ANK2: variants seen among roughly 807,000 people sequenced by gnomAD.
The protein encoded by ANK2 is ankyrin-2.
ANK2 carries 83 observed loss-of-function variants against 360.5 expected under a neutral mutation model. The observed-to-expected ratio is 0.23, with a 90% CI of 0.19 to 0.28. The LOEUF (loss-of-function observed/expected upper bound fraction) is 0.28, where lower values mean the gene tolerates loss of function less well. ANK2 is among the 10% of genes least tolerant of loss of function. The pLI is 1.00. For missense variants in ANK2, 4,201 were observed against 4,795.7 expected, an observed-to-expected ratio of 0.88 and a Z score of 3.66; for synonymous variants, 1,740 against 1,759.5, an observed-to-expected ratio of 0.99 and a Z score of 0.28.
intron 1 of ANK2, among the ~76,000 whole-genome samples, chr4:112,834,724 A>G (rs1029247865): frequency 1.3e-5 from 2 of 152,200 alleles, no homozygotes; most frequent in South Asian, 2.1e-4. Context: ...TTTCTCAAAA[A>G]TGTCTTTTTG....
Position 113,381,569 on chromosome 4 carries a change from G to C in ANK2, c.*98G>C. The C allele has an allele frequency of 6.2e-7, 1 of 1,607,860 alleles. No individual in the cohort carries two copies. Among genetic ancestry groups the C allele is most frequent in the Non-Finnish European group, 8.5e-7 (1 of 1,176,538 alleles). On this transcript the variant is annotated 3_prime_UTR_variant, in exon 46 of 46. Coordinates refer to ENST00000357077, the MANE Select transcript of ANK2 (RefSeq NM_001148.6). ...TGTACCAGAAGCACTAGACCAGGAC[G>C]ACCTCCAGCGCGATCTCCAGCAGCT...
At position 113,258,938 on chromosome 4, in the gene ANK2, C is replaced by T. The variant is rs975614278; in HGVS notation, c.1386+527C>T. Among the ~76,000 whole-genome samples, 5 of 152,250 alleles carry T rather than the reference C, an allele frequency of 3.3e-5. No individual in the cohort carries two copies. The South Asian group carries it at 6.2e-4, about 19-fold the overall frequency. On this transcript the variant is annotated intron_variant, in intron 13 of 45. Transcript: ENST00000357077. Reference sequence around the variant, plus strand: ...ATGGATTTCCCATTTTGTAACATTACGTTGATTTTTACTTTTGATTTGATC... The same window carrying T: ...ATGGATTTCCCATTTTGTAACATTATGTTGATTTTTACTTTTGATTTGATC...
chr4:112,863,743 C>G lies in ANK2; in HGVS notation c.-39-40712C>G, dbSNP rs558123544. ...TGCACCGTGTTAGCCAGGATAGTCT[C>G]GATCTCCTGACCTCGTGATCCTCCC... On this transcript the variant is annotated intron_variant, in intron 1 of 30. Coordinates refer to the ANK2 transcript ENST00000503271. Among the ~76,000 whole-genome samples the G allele has an allele frequency of 1.0e-3, 155 of 151,894 alleles. 1 individual carries two copies. The highest frequency in any genetic ancestry group is 3.3e-3 in the African/African-American group (138 of 41,454).
chr4:113,208,636 G>A (rs1411399415), intron 4 of ANK2, among the ~76,000 whole-genome samples: 1 of 151,822 alleles, frequency 6.6e-6, no homozygotes, highest in Non-Finnish European at 1.5e-5. Flanking sequence ...TGAGTAGCTA[G>A]GACTACAAAC....
the ANK2 span, among the ~76,000 whole-genome samples, chr4:112,740,445 C>T: frequency 2.0e-5 from 3 of 151,982 alleles, no homozygotes; most frequent in African/African-American, 7.3e-5. Context: ...TGGCTCACAC[C>T]TGTAATCTCA....
chr4:112,705,633 G>C, the ANK2 span, among the ~76,000 whole-genome samples: 1 of 152,250 alleles, frequency 6.6e-6, no homozygotes, highest in East Asian at 1.9e-4. Context: ...CCAGTGATGC[G>C]GGAGCGCCCG....
the ANK2 span, among the ~76,000 whole-genome samples, chr4:112,766,155 A>C: frequency 6.6e-6 from 1 of 151,824 alleles, no homozygotes; most frequent in Non-Finnish European, 1.5e-5. Context: ...AATATGGTGA[A>C]ACCCCATCTC....
intron 26 of ANK2, among the ~76,000 whole-genome samples, chr4:113,328,836 C>T (rs981737856): frequency 1.3e-5 from 2 of 152,122 alleles, no homozygotes; most frequent in African/African-American, 2.4e-5. Context: ...TTCTGTGTTC[C>T]GCTTTGAAGA....
the ANK2 span, among the ~76,000 whole-genome samples, chr4:112,712,406 AT>A: frequency 0.016 from 1,364 of 86,730 alleles, 12 homozygotes; most frequent in South Asian, 0.042. Context: ...ATATATATAT[AT>A]TTTTTTTTTT....
chr4:113,264,870 G>T (rs780509131), intron 13 of ANK2, 27 bp from the exon 14 acceptor site: 2 of 1,551,744 alleles, frequency 1.3e-6, no homozygotes, highest in South Asian at 2.4e-5. Flanking sequence ...GTTAATTTAT[G>T]ATTTGACGAT....
At chr4:113,283,210 C>T (rs890769787) in intron 18 of ANK2, among the ~76,000 whole-genome samples, 1 of 152,144 alleles carries the variant, frequency 6.6e-6, no homozygotes, top group African/African-American at 2.4e-5. Flanking sequence ...ATAATTGCTC[C>T]AGTGTCTGCT....
intron 2 of ANK2, among the ~76,000 whole-genome samples, chr4:112,992,841 A>G (rs941041299): frequency 3.3e-5 from 5 of 152,242 alleles, no homozygotes; most frequent in Non-Finnish European, 5.9e-5. Flanking sequence ...GTCCATACCA[A>G]GCAAAAATGC....
intron 1 of ANK2, among the ~76,000 whole-genome samples, chr4:113,078,756 T>C (rs2081149239): frequency 6.6e-6 from 1 of 152,174 alleles, no homozygotes; most frequent in South Asian, 2.1e-4. Flanking sequence ...TTATAACGTT[T>C]ACCTGTAAAT....
intron 1 of ANK2, among the ~76,000 whole-genome samples, chr4:113,136,532 A>G (rs1248514423): frequency 6.6e-6 from 1 of 151,998 alleles, no homozygotes. Flanking sequence ...AAATACAAAA[A>G]TTAGCCAGGT....
chr4:113,318,464 T>G, intron 25 of ANK2, 53 bp from the exon 26 acceptor site: 1 of 1,394,850 alleles, frequency 7.2e-7, no homozygotes, highest in Non-Finnish European at 1.0e-6. Flanking sequence ...TGTTATATTT[T>G]ACTTTAATTG....
intron 1 of ANK2, among the ~76,000 whole-genome samples, chr4:112,893,334 A>G (rs2080710228): frequency 6.6e-6 from 1 of 151,718 alleles, no homozygotes. Flanking sequence ...TTTTAAAAAA[A>G]TATTTTTTCC....
At chr4:113,272,819 C>T (rs560999895) in intron 14 of ANK2, among the ~76,000 whole-genome samples, 1 of 152,182 alleles carries the variant, frequency 6.6e-6, no homozygotes, top group East Asian at 1.9e-4. Context: ...GCAATACCCA[C>T]CCACCTTTAT....
intron 1 of ANK2, among the ~76,000 whole-genome samples, chr4:112,853,410 A>AGGCTT (rs2065538018): frequency 6.6e-6 from 1 of 151,608 alleles, no homozygotes; most frequent in South Asian, 2.1e-4. Context: ...CTATGATGCC[A>AGGCTT]GGCTTGTCTT....
chr4:113,029,841 A>G (rs535052634), intron 2 of ANK2, among the ~76,000 whole-genome samples: 268 of 152,232 alleles, frequency 1.8e-3, no homozygotes, highest in South Asian at 7.5e-3. Context: ...GGAGATGTCT[A>G]TTGACCTTTT....
Sources: allele counts gnomAD v4.1 joint callset (sites outside exome capture counted in the v4.1 genomes callset), GRCh38; gene constraint gnomAD v4.1.1; transcripts MANE v1.5; gene names NCBI Gene and HGNC (gene_info 2026-07-23, HGNC 2026-07-21).